The following PHF2 variants were observed in gnomAD, a reference collection of about 807,000 sequenced individuals.
PHF2 encodes PHD finger protein 2.
PHF2 carries 27 observed loss-of-function variants against 120.5 expected under a neutral mutation model. The observed-to-expected ratio is 0.22, with a 90% CI of 0.17 to 0.31. The LOEUF (loss-of-function observed/expected upper bound fraction) is 0.31, where lower values mean the gene tolerates loss of function less well. Among genes scored for constraint, PHF2 ranks in the 10% least tolerant of loss-of-function variants. PHF2 has a pLI of 1.00. For missense variants in PHF2, 1,024 were observed against 1,434.8 expected (o/e 0.71, Z 4.63); for synonymous variants, 568 against 592.5 (o/e 0.96, Z 0.60).
At chr9:93,628,876 G>A (rs1825953007) in intron 1 of PHF2, among the ~76,000 whole-genome samples, 1 of 152,134 alleles carries the variant, frequency 6.6e-6, no homozygotes, top group Non-Finnish European at 1.5e-5. Flanking sequence ...TTCTTTACAT[G>A]TTACAGATGC....
At position 93,676,652 on chromosome 9, in the gene PHF2, C is replaced by T; in HGVS notation, c.2891C>T (p.Thr964Ile). The change falls in exon 21 of 22, where the codon ACC becomes ATC. Residue 964 changes from threonine to isoleucine, a missense_variant. By Grantham distance (89) the Thr-to-Ile change is moderately conservative (BLOSUM62 -1). This residue lies in a region of PHF2 where 677 missense variants were observed against 857.4 expected (regional missense o/e 0.79). Transcript: ENST00000359246. ...SAKRKLTPNTTSPSTSTSISA... is the reference protein window; with the variant it reads ...SAKRKLTPNTISPSTSTSISA... ...AAGAGGAAGCTGACTCCTAACACCA[C>T]CTCCCCTTCCACCTCCACCTCCATC... The T allele has an allele frequency of 6.2e-7, 1 of 1,604,228 alleles. No individual in the cohort carries two copies. The highest frequency in any genetic ancestry group is 8.5e-7 in the Non-Finnish European group (1 of 1,175,156).
intron 3 of PHF2, among the ~76,000 whole-genome samples, chr9:93,644,466 G>A (rs546200444): frequency 1.3e-5 from 2 of 152,034 alleles, no homozygotes; most frequent in East Asian, 1.9e-4. Context: ...AGTGCTTCTG[G>A]TGTGCAGCGG....
At position 93,675,734 on chromosome 9, in the gene PHF2, G is replaced by A. The variant is rs1826897993; in HGVS notation, c.2777G>A (p.Arg926Gln). The A allele has an allele frequency of 1.2e-6, 2 of 1,613,138 alleles. No individual in the cohort carries two copies. Among genetic ancestry groups the A allele is most frequent in the South Asian group, 1.1e-5 (1 of 91,062 alleles). Residue 926 changes from arginine to glutamine, a missense_variant, in exon 20 of 22, where the codon CGG becomes CAG. Physicochemically the swap from Arg to Gln is conservative, Grantham distance 43. Transcript: ENST00000359246. ...GACAGGCCTGTGCGTGAGGGTACAC[G>A]GGTGGCTTCCATCGAGACCGGGCTG... ...RQDRPVREGT[R>Q]VASIETGLAA...
In PHF2 at chr9:93,662,130, AATGG is replaced by A. The variant is rs779582259; in HGVS notation, c.1699-758_1699-755del. 1.2e-3 allele frequency among the ~76,000 whole-genome samples: 177 copies of A among 149,666 alleles called. 1 individual carries two copies. The South Asian group carries it at 0.02, about 17-fold the overall frequency. On this transcript the variant is annotated intron_variant, in intron 12 of 21. Coordinates refer to ENST00000359246, the MANE Select transcript of PHF2 (RefSeq NM_005392.4). Reference sequence around the variant, plus strand: ...GGGTGGATGAATAAATGGATGAATGAATGGATGGATGGATGGATGGATAGACAGA... The same window carrying A: ...GGGTGGATGAATAAATGGATGAATGAATGGATGGATGGATGGATAGACAGA...
chr9:93,672,942 A>G (rs531005376), intron 17 of PHF2, among the ~76,000 whole-genome samples: 2 of 151,480 alleles, frequency 1.3e-5, no homozygotes, highest in Non-Finnish European at 3.0e-5. Flanking sequence ...ACAGGTGTAG[A>G]TGCACGTATG....
chr9:93,658,093 G>T, intron 9 of PHF2, 52 bp from the exon 10 acceptor site: 2 of 1,300,072 alleles, frequency 1.5e-6, no homozygotes, highest in Non-Finnish European at 2.2e-6. Flanking sequence ...GGGCATGAAG[G>T]CACCTGTGGG....
Position 93,649,147 on chromosome 9 carries a change from C to T in PHF2, c.537C>T (p.Asp179=), listed in dbSNP as rs1331785075. The change falls in exon 5 of 22, where the codon GAC becomes GAT. Residue 179 remains aspartate (D), a synonymous_variant. Transcript: ENST00000359246. The part of the protein sequence containing the change: ...DCKMKLKEFV[D]YYYSTNRKRV... The stretch of plus-strand genomic sequence containing the variant: ...AGATGAAGCTGAAGGAGTTTGTGGA[C>T]TATTACTACAGCACCAACCGCAAGC... 1 of 1,549,678 alleles carries T rather than the reference C, an allele frequency of 6.5e-7. No homozygotes were observed. Among genetic ancestry groups the T allele is most frequent in the South Asian group, 1.2e-5 (1 of 84,008 alleles).
intron 1 of PHF2, among the ~76,000 whole-genome samples, chr9:93,628,069 T>A (rs1419067415): frequency 6.6e-6 from 1 of 152,234 alleles, no homozygotes; most frequent in Non-Finnish European, 1.5e-5. Context: ...TTTATTTTCA[T>A]GTACTGAACC....
chr9:93,660,706 G>A, intron 12 of PHF2, 146 bp downstream of exon 12: 1 of 745,562 alleles, frequency 1.3e-6, no homozygotes, highest in Non-Finnish European at 2.0e-6. Context: ...GGCTCTTGCT[G>A]TGGGCTTGTA....
At chr9:93,670,396 A>C (rs1383900312) in intron 17 of PHF2, among the ~76,000 whole-genome samples, 1 of 152,148 alleles carries the variant, frequency 6.6e-6, no homozygotes, top group East Asian at 1.9e-4. Flanking sequence ...AGTGGTGGGG[A>C]AGCCTGGGGC....
intron 6 of PHF2, among the ~76,000 whole-genome samples, chr9:93,653,631 A>G (rs1000172004): frequency 6.6e-6 from 1 of 152,190 alleles, no homozygotes; most frequent in Admixed American, 6.5e-5. Flanking sequence ...CCAGGTGACC[A>G]TGCACTTAGA....
At chr9:93,596,746 C>T (rs547783692) in intron 1 of PHF2, among the ~76,000 whole-genome samples, 2 of 30,838 alleles carry the variant, frequency 6.5e-5, no homozygotes, top group African/African-American at 1.1e-4. Flanking sequence ...GTGTTTCTGC[C>T]GTTTTTTTTT....
rs3750363 is a variant in PHF2 at position 93,669,647 on chromosome 9, C to T, written c.2348+2407C>T. ...TGAGGGCGCCTGCCCCGGCACTGGG[C>T]ATCTTCCTGAGTCTGCCGGACCCTC... On this transcript the variant is annotated intron_variant, in intron 17 of 21. Coordinates refer to ENST00000359246, the MANE Select transcript of PHF2 (RefSeq NM_005392.4). Among the ~76,000 whole-genome samples, 29 of 152,358 alleles carry T rather than the reference C, an allele frequency of 1.9e-4. No homozygotes were observed. The East Asian group carries it at 5.6e-3, about 29-fold the overall frequency.
chr9:93,662,071 T>C (rs766745582), intron 12 of PHF2, among the ~76,000 whole-genome samples: 14 of 133,232 alleles, frequency 1.1e-4, no homozygotes, highest in Non-Finnish European at 2.1e-4. Context: ...GGATGGATGG[T>C]TGGGTGGATG....
At chr9:93,633,735 C>A (rs2131658832) in intron 2 of PHF2, among the ~76,000 whole-genome samples, 1 of 152,290 alleles carries the variant, frequency 6.6e-6, no homozygotes, top group South Asian at 2.1e-4. Context: ...TAGCCGGGGG[C>A]CCCTGGCCTC....
intron 1 of PHF2, among the ~76,000 whole-genome samples, chr9:93,580,430 C>T (rs1007945566): frequency 1.2e-4 from 18 of 152,308 alleles, no homozygotes; most frequent in Non-Finnish European, 1.8e-4. Context: ...CCACTTGGGC[C>T]GTACACTGTG....
At chr9:93,671,000 G>A (rs1055629247) in intron 17 of PHF2, 1 of 984,894 alleles carries the variant, frequency 1.0e-6, no homozygotes, top group African/African-American at 1.8e-5. Flanking sequence ...TTCAGGTGCA[G>A]ATGCAGCTGC....
rs762846055 is a variant in PHF2, at chr9:93,679,336, A to G, written c.*1660A>G. Reference sequence around the variant, plus strand: ...AGGCTTATTCAGAACTGGTGTTTTTAAAGTTTCCTTTACCCTGCCCTTGTT... The same window carrying G: ...AGGCTTATTCAGAACTGGTGTTTTTGAAGTTTCCTTTACCCTGCCCTTGTT... On this transcript the variant is annotated 3_prime_UTR_variant, in exon 22 of 22. Coordinates refer to ENST00000359246, the MANE Select transcript of PHF2 (RefSeq NM_005392.4). 14 of 450,958 alleles carry G rather than the reference A, an allele frequency of 3.1e-5. No individual in the cohort carries two copies. The highest frequency in any genetic ancestry group is 2.1e-4 in the South Asian group (13 of 63,256). The allele number at this position is 450,958 out of a possible 1,614,324, so 27.9% of individuals were successfully genotyped here.
At chr9:93,595,720 CA>C (rs1244684075) in intron 1 of PHF2, among the ~76,000 whole-genome samples, 1 of 152,242 alleles carries the variant, frequency 6.6e-6, no homozygotes, top group African/African-American at 2.4e-5. Flanking sequence ...ACCTGGTTTG[CA>C]GGTAAATATG....
Sources: gnomAD v4.1 joint callset for allele counts (sites outside exome capture counted in the v4.1 genomes callset) on GRCh38, gnomAD v4.1.1 for gene constraint, gnomAD v4.1.1 regional missense constraint, MANE v1.5 for transcripts, NCBI Gene and HGNC (gene_info 2026-07-23, HGNC 2026-07-21) for gene names.